ZSCAN1: variants seen among roughly 807,000 people sequenced by gnomAD.
ZSCAN1 encodes zinc finger and SCAN domain containing 1.
Under a neutral mutation model 23.8 loss-of-function variants are expected in ZSCAN1, and 23 were observed. The ratio of observed to expected loss-of-function variants is 0.97; its 90% CI spans 0.70 to 1.37. The LOEUF (loss-of-function observed/expected upper bound fraction) is 1.37, where lower values mean the gene tolerates loss of function less well. ZSCAN1 is among the 40% of genes most tolerant of loss of function. ZSCAN1 has a pLI of 0.00. For missense variants in ZSCAN1, 575 were observed against 554.0 expected, an observed-to-expected ratio of 1.04 and a Z score of -0.38; for synonymous variants, 236 against 232.3, an observed-to-expected ratio of 1.02 and a Z score of -0.15.
chr19:58,047,027 T>C lies in ZSCAN1; in HGVS notation c.466-5463T>C, dbSNP rs2073830836. ...ACGGCCTCCTGGCTCCAGAGGCGGC[T>C]GGGCCAAGGCAGGAAGGTGCCCCCC... On this transcript the variant is annotated intron_variant, in intron 4 of 5. Coordinates refer to ENST00000282326, the MANE Select transcript of ZSCAN1 (RefSeq NM_182572.4). The surrounding 1 kb of genome is among the most constrained non-coding windows in gnomAD (Gnocchi z 4.9). Among the ~76,000 whole-genome samples the C allele has an allele frequency of 6.6e-6, 1 of 152,220 alleles. No individual in the cohort carries two copies. The highest frequency in any genetic ancestry group is 1.5e-5 in the Non-Finnish European group (1 of 68,036).
In ZSCAN1 at chr19:58,047,845, G is replaced by C. The variant is rs899584848; in HGVS notation, c.466-4645G>C. On this transcript the variant is annotated intron_variant, in intron 4 of 5. Transcript: ENST00000282326. The surrounding 1 kb of genome is among the most constrained non-coding windows in gnomAD (Gnocchi z 4.9). The stretch of plus-strand genomic sequence containing the variant: ...AGGGTTTACCCTGTGCCCTCTGGGT[G>C]GGGTGGCCTCCCTGCACTCGGCAGC... 2.6e-5 allele frequency among the ~76,000 whole-genome samples: 4 copies of C among 152,222 alleles called. No homozygotes were observed. Among genetic ancestry groups the C allele is most frequent in the African/African-American group, 9.7e-5 (4 of 41,450 alleles).
chr19:58,041,798 C>T (rs534851158), intron 4 of ZSCAN1, among the ~76,000 whole-genome samples: 1 of 152,232 alleles, frequency 6.6e-6, no homozygotes, highest in East Asian at 1.9e-4. Context: ...ATCACTTGAG[C>T]CCAGGAGTTC....
intron 4 of ZSCAN1, among the ~76,000 whole-genome samples, chr19:58,042,263 CT>C (rs1011122770): frequency 5.1e-3 from 717 of 139,798 alleles, no homozygotes; most frequent in African/African-American, 6.0e-3. Flanking sequence ...TTCTACTTTA[CT>C]TTTTTTTTTT....
chr19:58,042,477 C>A (rs1273284141), intron 4 of ZSCAN1, among the ~76,000 whole-genome samples: 1 of 152,074 alleles, frequency 6.6e-6, no homozygotes, highest in Non-Finnish European at 1.5e-5. Context: ...CCAGGATGGT[C>A]TCGATCTCCT....
In ZSCAN1 at chr19:58,045,470, G is replaced by A. The variant is rs1032186019; in HGVS notation, c.465+4926G>A. ...TGTTTTTCCAGAAGATCCGGGAGAC[G>A]GGGGAGAGGCCCAGCAATGAGGAAA... On this transcript the variant is annotated intron_variant, in intron 4 of 5. Transcript: ENST00000282326. This position sits in a 1 kb window ranked among gnomAD's most constrained non-coding sequence, Gnocchi z 4.3. The A allele has an allele frequency of 2.7e-5, 34 of 1,261,758 alleles. No homozygotes were observed. Among genetic ancestry groups the A allele is most frequent in the Middle Eastern group, 2.0e-4 (1 of 5,050 alleles). 78.2% of individuals were successfully genotyped at this position (1,261,758 alleles called of 1,614,324 possible).
At chr19:58,044,776 T>C (rs770618934) in intron 4 of ZSCAN1, 105 of 723,360 alleles carry the variant, frequency 1.5e-4, no homozygotes, top group Non-Finnish European at 2.3e-4. Flanking sequence ...TGCCTACCCG[T>C]GCTTCAGAGG....
chr19:58,045,299 C>A lies in ZSCAN1; in HGVS notation c.465+4755C>A. On this transcript the variant is annotated intron_variant, in intron 4 of 5. Transcript: ENST00000282326. This position sits in a 1 kb window ranked among gnomAD's most constrained non-coding sequence, Gnocchi z 4.3. Reference sequence around the variant, plus strand: ...AACTCTTCCCCAACATGTTGCCATCCACATCCGAGACTCAGTCCATCAAGG... The same window carrying A: ...AACTCTTCCCCAACATGTTGCCATCAACATCCGAGACTCAGTCCATCAAGG... 1 of 791,666 alleles carries A rather than the reference C, an allele frequency of 1.3e-6. No individual in the cohort carries two copies. Among genetic ancestry groups the A allele is most frequent in the Non-Finnish European group, 2.3e-6 (1 of 428,922 alleles). The allele number at this position is 791,666 out of a possible 1,614,324, so 49.0% of individuals were successfully genotyped here.
In ZSCAN1 at chr19:58,038,026, C is replaced by A. The variant is rs781616839; in HGVS notation, c.190C>A (p.Arg64Ser). The change falls in exon 3 of 6, where the codon CGC becomes AGC. Residue 64 changes from arginine (R) to serine (S), a missense_variant. By Grantham distance (110) the Arg-to-Ser change is moderately radical (BLOSUM62 -1). Transcript: ENST00000282326. Reference protein sequence around the residue: ...LALGQLWTLCRQWLRPEARSK... With the variant: ...LALGQLWTLCSQWLRPEARSK... Reference sequence around the variant, plus strand: ...GCTGGGCCAGCTCTGGACGCTGTGCCGCCAGTGGCTGAGGCCCGAGGCGCG... The same window carrying A: ...GCTGGGCCAGCTCTGGACGCTGTGCAGCCAGTGGCTGAGGCCCGAGGCGCG... 1 of 1,611,442 alleles carries A rather than the reference C, an allele frequency of 6.2e-7. No homozygotes were observed. Among genetic ancestry groups the A allele is most frequent in the Non-Finnish European group, 8.5e-7 (1 of 1,179,694 alleles).
At chr19:58,035,800 GTAA>G (rs2073730787) in intron 1 of ZSCAN1, among the ~76,000 whole-genome samples, 167 bp from the exon 2 acceptor site, 1 of 152,184 alleles carries the variant, frequency 6.6e-6, no homozygotes, top group South Asian at 2.1e-4. Context: ...CTCCTGGATT[GTAA>G]AACCAGATGC....
At chr19:58,046,147 G>C (rs2073823987) in intron 4 of ZSCAN1, 2 of 718,502 alleles carry the variant, frequency 2.8e-6, no homozygotes, top group Admixed American at 2.0e-5. Flanking sequence ...GAAGGACACT[G>C]CCCCCGTGCT....
intron 4 of ZSCAN1, among the ~76,000 whole-genome samples, chr19:58,051,746 T>A (rs2073859753): frequency 6.6e-6 from 1 of 152,242 alleles, no homozygotes; most frequent in Admixed American, 6.5e-5. Context: ...CCGTTGCAGT[T>A]TGCCGAGCCC....
intron 4 of ZSCAN1, among the ~76,000 whole-genome samples, chr19:58,042,318 C>T (rs563041154): frequency 5.3e-5 from 8 of 151,110 alleles, no homozygotes; most frequent in South Asian, 2.1e-4. Flanking sequence ...AGTGCAGTGG[C>T]GCGATCTCGG....
chr19:58,055,130 A>C (rs1383677881), downstream of ZSCAN1, among the ~76,000 whole-genome samples: 2 of 152,192 alleles, frequency 1.3e-5, no homozygotes, highest in African/African-American at 4.8e-5. Flanking sequence ...ACTTGGAAAC[A>C]CAGTGTTGGG....
chr19:58,047,526 T>C lies in ZSCAN1; in HGVS notation c.466-4964T>C, dbSNP rs549168041. On this transcript the variant is annotated intron_variant, in intron 4 of 5. Coordinates refer to ENST00000282326, the MANE Select transcript of ZSCAN1 (RefSeq NM_182572.4). The surrounding 1 kb of genome is among the most constrained non-coding windows in gnomAD (Gnocchi z 4.9). ...CGCAACTCTGACGTAGCCCTAGCCA[T>C]GGGACTCCCTTGGGTGGTGCTTGGG... Among the ~76,000 whole-genome samples, 13 of 152,344 alleles carry C rather than the reference T, an allele frequency of 8.5e-5. No individual in the cohort carries two copies. The highest frequency in any genetic ancestry group is 7.8e-4 in the Admixed American group (12 of 15,308).
rs1036253529 is a variant in ZSCAN1 at position 58,039,277 on chromosome 19, C to T, written c.370+1071C>T. ...AGGGCCCAAGAGCACTGGCTTCTGG[C>T]GCTCTGTGGACCTCACAGCCATCCC... is the stretch of plus-strand genomic sequence containing the variant. On this transcript the variant is annotated intron_variant, in intron 3 of 5. Transcript: ENST00000282326. 4.6e-5 allele frequency among the ~76,000 whole-genome samples: 7 copies of T among 152,250 alleles called. No homozygotes were observed. The South Asian group carries it at 6.2e-4, about 14-fold the overall frequency.
intron 2 of ZSCAN1, among the ~76,000 whole-genome samples, chr19:58,036,985 C>A (rs1474138255): frequency 4.6e-5 from 7 of 152,108 alleles, no homozygotes; most frequent in Non-Finnish European, 8.8e-5. Flanking sequence ...CACCCGGCCA[C>A]AAAAGGTTAT....
intron 4 of ZSCAN1, among the ~76,000 whole-genome samples, chr19:58,050,799 G>A (rs530355379): frequency 1.4e-4 from 21 of 152,240 alleles, no homozygotes; most frequent in African/African-American, 4.3e-4. Flanking sequence ...GATTACAGGC[G>A]TGAGCCACCA....
At position 58,037,724 on chromosome 19, in the gene ZSCAN1, GCAGGCCC is replaced by G. The variant is rs1599898903; in HGVS notation, c.-109-2_-105del. 6.7e-6 allele frequency: 9 copies of G among 1,340,098 alleles called. No individual in the cohort carries two copies. In the East Asian group the frequency reaches 2.3e-4, roughly 34 times the overall value. 83.0% of individuals were successfully genotyped at this position (1,340,098 alleles called of 1,614,324 possible). A position where few individuals can be genotyped will look rare whatever the true frequency, so the allele number is the denominator to read the frequency against. ...GACCCCTCTGTCCCTGCCCCTCTCT[GCAGGCCC>G]CTGATTGCTGATTCTGTCCGCCTGC... On this transcript the variant is annotated splice_acceptor_variant and splice_polypyrimidine_tract_variant and 5_prime_UTR_variant and intron_variant, in exon 3 of 6. Coordinates refer to ENST00000282326, the MANE Select transcript of ZSCAN1 (RefSeq NM_182572.4). LOFTEE classifies it low-confidence loss of function (5UTR_SPLICE).
rs777787392 is a variant in ZSCAN1, at chr19:58,038,343, C to A, written c.370+137C>A. On this transcript the variant is annotated intron_variant, in intron 3 of 5. Coordinates refer to ENST00000282326, the MANE Select transcript of ZSCAN1 (RefSeq NM_182572.4). ...CGACCAGCAAACCTCTCCTGCCCCG[C>A]GGCTGTGTTTTTAATTATTTTTACA... The A allele has an allele frequency of 3.5e-6, 4 of 1,145,080 alleles. No homozygotes were observed. In the African/African-American group the frequency reaches 6.3e-5, roughly 18 times the overall value. The allele number at this position is 1,145,080 out of a possible 1,614,324, so 70.9% of individuals were successfully genotyped here.
Sources: allele counts gnomAD v4.1 joint callset (sites outside exome capture counted in the v4.1 genomes callset), GRCh38; gene constraint gnomAD v4.1.1; non-coding constraint Gnocchi (gnomAD v3.1); transcripts MANE v1.5; gene names NCBI Gene and HGNC (gene_info 2026-07-23, HGNC 2026-07-21).